Variants in TENT2 observed in about 807,000 individuals in gnomAD.
TENT2 encodes the protein poly(A) RNA polymerase GLD2.
In TENT2, 44 loss-of-function variants were observed where a neutral mutation model predicts 72.2. The observed-to-expected ratio is 0.61, with a 90% CI of 0.48 to 0.78. The LOEUF (loss-of-function observed/expected upper bound fraction) is 0.78. TENT2 is among the 30% of genes least tolerant of loss of function. The pLI is 0.00. For missense variants in TENT2, 541 were observed against 569.6 expected (o/e 0.95, Z 0.51); for synonymous variants, 212 against 192.5 (o/e 1.10, Z -0.84).
rs557963098 is a variant in TENT2, at chr5:79,682,959, C to T, written c.1380+898C>T. Among the ~76,000 whole-genome samples, 87 of 151,790 alleles carry T rather than the reference C, an allele frequency of 5.7e-4. 1 individual carries two copies. The highest frequency in any genetic ancestry group is 4.0e-3 in the Admixed American group (61 of 15,258). On this transcript the variant is annotated intron_variant, in intron 14 of 14. Coordinates refer to ENST00000453514, the MANE Select transcript of TENT2 (RefSeq NM_001114394.3). Reference sequence around the variant, plus strand: ...TTGTAGAAGAAAAAGATGAGAGAACCGCAAAGATCATTTTAGAGGCATACT... The same window carrying T: ...TTGTAGAAGAAAAAGATGAGAGAACTGCAAAGATCATTTTAGAGGCATACT...
chr5:79,648,088 G>T (rs1341867017), intron 8 of TENT2, among the ~76,000 whole-genome samples: 1 of 152,094 alleles, frequency 6.6e-6, no homozygotes, highest in Admixed American at 6.6e-5. Flanking sequence ...AACTTAATGG[G>T]ATAACTTGCT....
intron 12 of TENT2, among the ~76,000 whole-genome samples, chr5:79,671,580 TG>T (rs1812979194): frequency 6.6e-6 from 1 of 152,000 alleles, no homozygotes; most frequent in South Asian, 2.1e-4. Context: ...AATATTTTTT[TG>T]TATTTTTAGT....
rs1008396884 is a variant in TENT2, at chr5:79,635,938, C to T, written c.466-4913C>T. The stretch of plus-strand genomic sequence containing the variant: ...ATGTTGATCTGATCTGCCTGATTCT[C>T]TACATCAGGGGTTGGCAGAAGGGCC... On this transcript the variant is annotated intron_variant, in intron 4 of 14. Coordinates refer to ENST00000453514, the MANE Select transcript of TENT2 (RefSeq NM_001114394.3). Among the ~76,000 whole-genome samples, 8 of 152,190 alleles carry T rather than the reference C, an allele frequency of 5.3e-5. 1 individual carries two copies. Among genetic ancestry groups the T allele is most frequent in the African/African-American group, 1.9e-4 (8 of 41,438 alleles).
At chr5:79,629,152 G>A (rs1174218313) in intron 4 of TENT2, among the ~76,000 whole-genome samples, 1 of 152,144 alleles carries the variant, frequency 6.6e-6, no homozygotes, top group Non-Finnish European at 1.5e-5. Context: ...CCATACTGAG[G>A]GGTTTTTTCT....
At chr5:79,669,086 G>A (rs1381588940) in intron 12 of TENT2, 58 bp downstream of exon 12, 3 of 1,538,446 alleles carry the variant, frequency 2.0e-6, no homozygotes, top group Non-Finnish European at 2.7e-6. Flanking sequence ...GTGTATGTAT[G>A]TATATATATG....
At chr5:79,685,098 T>C in intron 14 of TENT2, 101 bp from the exon 15 acceptor site, 1 of 923,224 alleles carries the variant, frequency 1.1e-6, no homozygotes, top group Non-Finnish European at 1.7e-6. Context: ...ATTCAAAATT[T>C]ATCACCTAGA....
intron 11 of TENT2, among the ~76,000 whole-genome samples, chr5:79,658,935 T>C (rs1799932474): frequency 6.6e-6 from 1 of 152,196 alleles, no homozygotes; most frequent in South Asian, 2.1e-4. Context: ...CCATCTGTTT[T>C]GCTTGTAAGC....
At chr5:79,670,568 C>G (rs929395990) in intron 12 of TENT2, among the ~76,000 whole-genome samples, 3 of 151,812 alleles carry the variant, frequency 2.0e-5, no homozygotes, top group African/African-American at 7.3e-5. Flanking sequence ...AGTGATCTGC[C>G]CGCCTCAGCC....
At chr5:79,646,115 CA>C (rs1460627747) in intron 8 of TENT2, among the ~76,000 whole-genome samples, 2 of 152,058 alleles carry the variant, frequency 1.3e-5, no homozygotes, top group Non-Finnish European at 2.9e-5. Context: ...CCATATTTTT[CA>C]CATTTTTGTG....
intron 11 of TENT2, among the ~76,000 whole-genome samples, chr5:79,657,731 C>G (rs539953685): frequency 6.6e-6 from 1 of 152,142 alleles, no homozygotes; most frequent in Non-Finnish European, 1.5e-5. Context: ...CATAGTCATT[C>G]TTTTTCCTGC....
intron 10 of TENT2, among the ~76,000 whole-genome samples, chr5:79,656,243 T>TAATTA (rs1797881624): frequency 6.6e-6 from 1 of 151,848 alleles, no homozygotes; most frequent in South Asian, 2.1e-4. Flanking sequence ...TACTGTTAAT[T>TAATTA]AATGAGATTG....
At chr5:79,634,993 T>C (rs982497553) in intron 4 of TENT2, among the ~76,000 whole-genome samples, 13 of 152,170 alleles carry the variant, frequency 8.5e-5, no homozygotes, top group African/African-American at 2.9e-4. Context: ...TGGAATAGTT[T>C]TTTTAAACTA....
intron 12 of TENT2, among the ~76,000 whole-genome samples, chr5:79,671,832 G>T (rs1472491579): frequency 2.0e-5 from 3 of 152,118 alleles, no homozygotes; most frequent in African/African-American, 7.2e-5. Flanking sequence ...GCCGGGTGTG[G>T]TGGCTCATGT....
chr5:79,635,958 A>G (rs1779816783), intron 4 of TENT2, among the ~76,000 whole-genome samples: 1 of 152,240 alleles, frequency 6.6e-6, no homozygotes, highest in Admixed American at 6.5e-5. Context: ...GGTTGGCAGA[A>G]GGGCCAGATA....
Position 79,670,331 on chromosome 5 carries a change from A to T in TENT2, c.1208+1303A>T, listed in dbSNP as rs529981468. 2.3e-3 allele frequency among the ~76,000 whole-genome samples: 348 copies of T among 151,606 alleles called. 2 individuals are homozygous for T. Among genetic ancestry groups the T allele is most frequent in the African/African-American group, 8.0e-3 (329 of 41,342 alleles). ...AGAGCTTTTATTTATTTATTTATTT[A>T]TTTATTTTTTTGAGACGGAGTCTCA... On this transcript the variant is annotated intron_variant, in intron 12 of 14. Transcript: ENST00000453514.
chr5:79,648,736 TTA>T, intron 9 of TENT2, 43 bp downstream of exon 9: 1 of 1,401,740 alleles, frequency 7.1e-7, no homozygotes, highest in Non-Finnish European at 9.9e-7. Flanking sequence ...CTTTTTTTCT[TTA>T]TTCATTTTTA....
rs1202426609 is a variant in TENT2, at chr5:79,687,188, A to G, written c.*1915A>G. On this transcript the variant is annotated 3_prime_UTR_variant, in exon 15 of 15. Transcript: ENST00000453514. ...TCAAGAAGTCACTAAACTTAGACCC[A>G]ATTCTATATCAGTAGACTGAGGCCT... is the stretch of plus-strand genomic sequence containing the variant. Among the ~76,000 whole-genome samples, 2 of 152,174 alleles carry G rather than the reference A, an allele frequency of 1.3e-5. No individual in the cohort carries two copies. The highest frequency in any genetic ancestry group is 2.9e-5 in the Non-Finnish European group (2 of 68,020).
At chr5:79,671,919 A>G (rs1445114180) in intron 12 of TENT2, among the ~76,000 whole-genome samples, 1 of 152,052 alleles carries the variant, frequency 6.6e-6, no homozygotes, top group East Asian at 1.9e-4. Flanking sequence ...CCTGGGCAAC[A>G]TGGCAAAACC....
intron 11 of TENT2, among the ~76,000 whole-genome samples, chr5:79,667,964 A>T: frequency 6.7e-6 from 1 of 149,758 alleles, no homozygotes; most frequent in South Asian, 2.1e-4. Context: ...AAAAAAATCC[A>T]TTTCTATTCT....
Sources: gnomAD v4.1 joint callset for allele counts (sites outside exome capture counted in the v4.1 genomes callset) on GRCh38, gnomAD v4.1.1 for gene constraint, MANE v1.5 for transcripts, NCBI Gene and HGNC (gene_info 2026-07-23, HGNC 2026-07-21) for gene names.